Variants in DGKI observed in about 807,000 individuals in gnomAD.
DGKI encodes DAG kinase iota.
A neutral mutation model predicts 147.5 loss-of-function variants in DGKI; 55 were observed. The ratio of observed to expected loss-of-function variants is 0.37; its 90% CI spans 0.30 to 0.47. DGKI has a LOEUF of 0.47. Among genes scored for constraint, DGKI ranks in the 20% least tolerant of loss-of-function variants. The probability of loss-of-function intolerance (pLI) is 1.00; values close to 1 mark genes in which losing one functional copy is unlikely to be tolerated. For missense variants in DGKI, 1,007 were observed against 1,323.8 expected, an observed-to-expected ratio of 0.76 and a Z score of 3.71; for synonymous variants, 469 against 477.1, an observed-to-expected ratio of 0.98 and a Z score of 0.22.
Position 137,424,748 on chromosome 7 carries a change from GA to G in DGKI, c.2762-12542del, listed in dbSNP as rs200346200. ...ACCAGGAGATTATATCTCGCACCTG[GA>G]TTGGAGGGTCCTACGCCCACGGAAT... is the stretch of plus-strand genomic sequence containing the variant. On this transcript the variant is annotated intron_variant, in intron 28 of 32. Coordinates refer to ENST00000614521, the MANE Select transcript of DGKI (RefSeq NM_001321708.2). Among the ~76,000 whole-genome samples the G allele has an allele frequency of 3.1e-3, 469 of 152,346 alleles. 18 individuals are homozygous for G. In the East Asian group the frequency reaches 0.083, roughly 27 times the overall value.
At chr7:137,566,691 C>T (rs1025026256) in intron 19 of DGKI, among the ~76,000 whole-genome samples, 5 of 152,024 alleles carry the variant, frequency 3.3e-5, no homozygotes, top group African/African-American at 4.8e-5. Context: ...CTACCATCTG[C>T]GATTATTTCT....
chr7:137,707,236 C>T (rs374140517), intron 1 of DGKI, among the ~76,000 whole-genome samples: 19 of 152,256 alleles, frequency 1.2e-4, no homozygotes, highest in African/African-American at 4.3e-4. Context: ...TTCACCTATG[C>T]GGATTCCTCT....
intron 1 of DGKI, among the ~76,000 whole-genome samples, chr7:137,834,405 G>A (rs886461344): frequency 2.6e-5 from 4 of 152,332 alleles, no homozygotes; most frequent in Non-Finnish European, 5.9e-5. Flanking sequence ...TTGTTCGAGA[G>A]ATGCTAAAAC....
At chr7:137,699,370 T>TC (rs150902445) in intron 1 of DGKI, among the ~76,000 whole-genome samples, 2,858 of 152,310 alleles carry the variant, frequency 0.019, 37 homozygotes, top group South Asian at 0.053. Context: ...AAGAACACAG[T>TC]CTAATGCTCA....
chr7:137,667,830 T>C (rs1179821349), intron 3 of DGKI, among the ~76,000 whole-genome samples: 1 of 152,160 alleles, frequency 6.6e-6, no homozygotes, highest in Admixed American at 6.5e-5. Flanking sequence ...GTACCTCCAG[T>C]TGGTAATGTT....
At chr7:137,804,616 T>C (rs1039769263) in intron 1 of DGKI, among the ~76,000 whole-genome samples, 5 of 152,224 alleles carry the variant, frequency 3.3e-5, no homozygotes, top group African/African-American at 9.6e-5. Context: ...GTGTTTAACA[T>C]TGATTCTAGC....
intron 5 of DGKI, among the ~76,000 whole-genome samples, chr7:137,649,043 T>C (rs1229044702): frequency 2.0e-5 from 3 of 152,150 alleles, no homozygotes; most frequent in Non-Finnish European, 2.9e-5. Context: ...ATGTCCAGCA[T>C]CCTTCTGTTC....
chr7:137,534,433 T>C (rs976240662), intron 20 of DGKI, among the ~76,000 whole-genome samples: 7 of 152,122 alleles, frequency 4.6e-5, no homozygotes, highest in Non-Finnish European at 8.8e-5. Flanking sequence ...TTCCCGTTTA[T>C]AGTCTGCATG....
In DGKI at chr7:137,608,951, T is replaced by C. The variant is rs758002369; in HGVS notation, c.1167+15A>G. 1.8e-5 allele frequency: 28 copies of C among 1,588,260 alleles called. No homozygotes were observed. Among genetic ancestry groups the C allele is most frequent in the Admixed American group, 1.0e-4 (6 of 59,806 alleles). ...ATCAAAACTTCTAAGTTGAAAATCA[T>C]GAAAAATTACTCACCTGGTTGCCTC... On this transcript the variant is annotated intron_variant, in intron 10 of 32. Coordinates refer to ENST00000614521, the MANE Select transcript of DGKI (RefSeq NM_001321708.2).
chr7:137,481,640 C>T (rs546831211), intron 23 of DGKI, among the ~76,000 whole-genome samples: 1 of 152,018 alleles, frequency 6.6e-6, no homozygotes, highest in Non-Finnish European at 1.5e-5. Context: ...CATTTTTGAG[C>T]TTCAGTGCTT....
intron 6 of DGKI, among the ~76,000 whole-genome samples, chr7:137,634,393 T>C (rs1821238467): frequency 6.6e-6 from 1 of 152,200 alleles, no homozygotes; most frequent in African/African-American, 2.4e-5. Context: ...ACACAGACTC[T>C]AGGATTCTGA....
intron 1 of DGKI, among the ~76,000 whole-genome samples, chr7:137,798,405 G>A (rs955374932): frequency 2.0e-5 from 3 of 151,986 alleles, no homozygotes; most frequent in African/African-American, 7.2e-5. Context: ...AGAGCAGGCC[G>A]ATATCTGCTT....
chr7:137,777,362 T>C (rs1796393126), intron 1 of DGKI, among the ~76,000 whole-genome samples: 1 of 152,020 alleles, frequency 6.6e-6, no homozygotes, highest in South Asian at 2.1e-4. Flanking sequence ...AGAATCTCCA[T>C]AAAAAGTATG....
At chr7:137,710,201 A>G (rs964863331) in intron 1 of DGKI, among the ~76,000 whole-genome samples, 19 of 152,226 alleles carry the variant, frequency 1.2e-4, no homozygotes, top group Admixed American at 6.5e-4. Flanking sequence ...GAAGATGTCA[A>G]TTCTCCCTGA....
intron 1 of DGKI, among the ~76,000 whole-genome samples, chr7:137,824,043 AG>A (rs1011095093): frequency 1.3e-5 from 2 of 152,234 alleles, no homozygotes; most frequent in African/African-American, 4.8e-5. Context: ...GAAACACATA[AG>A]GGTGGGATAA....
At chr7:137,444,224 T>C (rs1407239771) in intron 27 of DGKI, 122 bp from the exon 28 acceptor site, 3 of 594,570 alleles carry the variant, frequency 5.0e-6, no homozygotes, top group Non-Finnish European at 8.6e-6. Flanking sequence ...TAGTAGACAG[T>C]GTAATTAATG....
intron 22 of DGKI, among the ~76,000 whole-genome samples, chr7:137,486,860 A>G (rs1815580712): frequency 6.6e-6 from 1 of 152,148 alleles, no homozygotes; most frequent in African/African-American, 2.4e-5. Flanking sequence ...CTTTAAAAAT[A>G]CAAATGTCTA....
rs144555933 is a variant in DGKI, at chr7:137,419,593, G to A, written c.2762-7386C>T. ...AAACACAGCAAAGGTAATCTAACAC[G>A]AATTCACAGGTATGGATGACCGCTG... On this transcript the variant is annotated intron_variant, in intron 28 of 32. Coordinates refer to ENST00000614521, the MANE Select transcript of DGKI (RefSeq NM_001321708.2). Among the ~76,000 whole-genome samples, 3 of 152,268 alleles carry A rather than the reference G, an allele frequency of 2.0e-5. No homozygotes were observed. In the East Asian group the frequency reaches 5.8e-4, roughly 29 times the overall value.
chr7:137,408,839 A>G (rs1812058751), intron 29 of DGKI, among the ~76,000 whole-genome samples: 1 of 152,242 alleles, frequency 6.6e-6, no homozygotes, highest in African/African-American at 2.4e-5. Context: ...AAACTACAGT[A>G]TTTCATGACA....
Sources: allele counts gnomAD v4.1 joint callset (sites outside exome capture counted in the v4.1 genomes callset), GRCh38; gene constraint gnomAD v4.1.1; transcripts MANE v1.5; gene names NCBI Gene and HGNC (gene_info 2026-07-23, HGNC 2026-07-21).